Variants in RETN observed in about 807,000 individuals in gnomAD.
RETN encodes the protein resistin, also known as C/EBP-epsilon regulated myeloid-specific secreted cysteine-rich protein precursor 1.
RETN carries 5 observed loss-of-function variants against 6.1 expected under a neutral mutation model. The ratio of observed to expected loss-of-function variants is 0.82; its 90% CI spans 0.43 to 1.73. The LOEUF (loss-of-function observed/expected upper bound fraction) is 1.73, where lower values mean the gene tolerates loss of function less well. Among genes scored for constraint, RETN ranks in the 40% most tolerant of loss-of-function variants. The pLI, the probability that RETN is intolerant of heterozygous loss-of-function variation, is 0.02. For synonymous variants in RETN, 62 were observed against 59.2 expected, an observed-to-expected ratio of 1.05 and a Z score of -0.22; for missense variants, 168 against 142.5, an observed-to-expected ratio of 1.18 and a Z score of -0.91.
chr19:7,670,367 G>A lies in RETN; in HGVS notation c.*18G>A, dbSNP rs757490963. The A allele has an allele frequency of 7.1e-6, 11 of 1,538,858 alleles. No individual in the cohort carries two copies. The highest frequency in any genetic ancestry group is 1.4e-5 in the African/African-American group (1 of 73,254). On this transcript the variant is annotated 3_prime_UTR_variant, in exon 4 of 4. Transcript: ENST00000221515. The stretch of plus-strand genomic sequence containing the variant: ...AGCCCTGAGGTCGCGCGCAGCGCGT[G>A]CACAGCGCGGGCGGAGGCGGCTCCA...
In RETN at chr19:7,670,201, C is replaced by A. The variant is rs369679227; in HGVS notation, c.197-18C>A. The A allele has an allele frequency of 4.4e-6, 7 of 1,594,482 alleles. No individual in the cohort carries two copies. Among genetic ancestry groups the A allele is most frequent in the Non-Finnish European group, 6.0e-6 (7 of 1,176,210 alleles). Reference sequence around the variant, plus strand: ...GCCTCCCAGCTCAGAGTCCACGCTCCTGTGTTCCGGGCTGCAGGCTTCGCC... The same window carrying A: ...GCCTCCCAGCTCAGAGTCCACGCTCATGTGTTCCGGGCTGCAGGCTTCGCC... On this transcript the variant is annotated intron_variant, in intron 3 of 3. Coordinates refer to ENST00000221515, the MANE Select transcript of RETN (RefSeq NM_020415.4).
Position 7,669,861 on chromosome 19 carries a change from C to T in RETN, c.159C>T (p.Ser53=). The change falls in exon 3 of 4, where the codon AGC becomes AGT. Residue 53 remains serine, a synonymous_variant. Coordinates refer to ENST00000221515, the MANE Select transcript of RETN (RefSeq NM_020415.4). ...AISSIGLECQ[S]VTSRGDLATC... is the part of the protein sequence containing the mutation. Reference sequence around the variant, plus strand: ...GCAGCATTGGCCTGGAGTGCCAGAGCGTCACCTCCAGGGGGGACCTGGCTA... The same window carrying T: ...GCAGCATTGGCCTGGAGTGCCAGAGTGTCACCTCCAGGGGGGACCTGGCTA... 6.2e-7 allele frequency: 1 copy of T among 1,614,098 alleles called. No homozygotes were observed. The highest frequency in any genetic ancestry group is 2.2e-5 in the East Asian group (1 of 44,872).
chr19:7,669,512 C>A, intron 2 of RETN, 68 bp downstream of exon 2: 2 of 1,119,810 alleles, frequency 1.8e-6, no homozygotes, highest in South Asian at 1.2e-5. Flanking sequence ...TGGCACAGAC[C>A]TGACTCCAAC....
At position 7,670,337 on chromosome 19, in the gene RETN, T is replaced by C. The variant is rs766229984; in HGVS notation, c.315T>C (p.Arg105=). The stretch of plus-strand genomic sequence containing the variant: ...ACTGGACCGGAGCGCGCTGCTGTCG[T>C]GTGCAGCCCTGAGGTCGCGCGCAGC... ...GMDWTGARCC[R]VQP Residue 105 remains arginine (R), a synonymous_variant, in exon 4 of 4, where the codon CGT becomes CGC. Transcript: ENST00000221515. The C allele has an allele frequency of 2.6e-6, 4 of 1,555,852 alleles. No individual in the cohort carries two copies. The highest frequency in any genetic ancestry group is 3.5e-6 in the Non-Finnish European group (4 of 1,155,676).
chr19:7,669,204 C>G, intron 1 of RETN, 83 bp downstream of exon 1: 1 of 759,782 alleles, frequency 1.3e-6, no homozygotes, highest in Non-Finnish European at 2.3e-6. Context: ...CTGTCCCCCA[C>G]ATGGGGGGAC....
rs376681721 is a variant in RETN at position 7,669,452 on chromosome 19, C to T, written c.118+8C>T. ...AGGTCGCCGGCTCCCTAAGTGAGGA[C>T]CCCCCACTTGGGCAAGCTCCCCAAG... On this transcript the variant is annotated splice_region_variant and intron_variant, in intron 2 of 3. Coordinates refer to ENST00000221515, the MANE Select transcript of RETN (RefSeq NM_020415.4). 8 of 1,589,218 alleles carry T rather than the reference C, an allele frequency of 5.0e-6. No homozygotes were observed. The highest frequency in any genetic ancestry group is 2.7e-5 in the African/African-American group (2 of 74,466).
At position 7,670,436 on chromosome 19, in the gene RETN, G is replaced by A. The variant is rs1375686779; in HGVS notation, c.*87G>A. ...GGGAGCTGGAAATAAACCTGGAGAT[G>A]ATGATGATGATGATGATGATGATGA... On this transcript the variant is annotated 3_prime_UTR_variant, in exon 4 of 4. Transcript: ENST00000221515. 59 of 1,072 alleles carry A rather than the reference G, an allele frequency of 0.055. No individual in the cohort carries two copies. Among genetic ancestry groups the A allele is most frequent in the South Asian group, 0.11 (4 of 36 alleles). The allele number at this position is 1,072 out of a possible 1,614,324, so 0.1% of individuals were successfully genotyped here.
At position 7,670,204 on chromosome 19, in the gene RETN, T is replaced by A. The variant is rs1235661610; in HGVS notation, c.197-15T>A. The A allele has an allele frequency of 6.7e-7, 1 of 1,490,390 alleles. No individual in the cohort carries two copies. The highest frequency in any genetic ancestry group is 1.8e-5 in the Admixed American group (1 of 55,538). 92.3% of individuals were successfully genotyped at this position (1,490,390 alleles called of 1,614,324 possible). On this transcript the variant is annotated splice_polypyrimidine_tract_variant and intron_variant, in intron 3 of 3. Coordinates refer to ENST00000221515, the MANE Select transcript of RETN (RefSeq NM_020415.4). ...TCCCAGCTCAGAGTCCACGCTCCTG[T>A]GTTCCGGGCTGCAGGCTTCGCCGTC... is the stretch of plus-strand genomic sequence containing the variant.
At position 7,669,093 on chromosome 19, in the gene RETN, G is replaced by A. The variant is rs1489577170; in HGVS notation, c.-39G>A. The A allele has an allele frequency of 1.2e-5, 6 of 508,138 alleles. No homozygotes were observed. The highest frequency in any genetic ancestry group is 3.4e-5 in the East Asian group (1 of 29,616). 31.5% of individuals were successfully genotyped at this position (508,138 alleles called of 1,614,324 possible). On this transcript the variant is annotated 5_prime_UTR_variant, in exon 1 of 4. Coordinates refer to ENST00000221515, the MANE Select transcript of RETN (RefSeq NM_020415.4). ...GCTGCGGTGCAGGAATTCGTGTGCC[G>A]GATTTGGTTAGCTGAGCCCACCGAG...
intron 3 of RETN, 24 bp from the exon 4 acceptor site, chr19:7,670,195 A>C: frequency 6.4e-7 from 1 of 1,553,446 alleles, no homozygotes; most frequent in Non-Finnish European, 8.6e-7. Context: ...CTCAGAGTCC[A>C]CGCTCCTGTG....
At position 7,670,455 on chromosome 19, in the gene RETN, A is replaced by C; in HGVS notation, c.*106A>C. The C allele has an allele frequency of 1.0e-5, 3 of 295,678 alleles. No individual in the cohort carries two copies. Among genetic ancestry groups the C allele is most frequent in the Non-Finnish European group, 1.5e-5 (3 of 193,950 alleles). The allele number at this position is 295,678 out of a possible 1,614,324, so 18.3% of individuals were successfully genotyped here. On this transcript the variant is annotated 3_prime_UTR_variant, in exon 4 of 4. Transcript: ENST00000221515. The stretch of plus-strand genomic sequence containing the variant: ...GGAGATGATGATGATGATGATGATG[A>C]TGATGATGGAGCGGATCTGAGCCCT...
chr19:7,669,259 G>T, intron 1 of RETN, 58 bp from the exon 2 acceptor site: 1 of 1,249,078 alleles, frequency 8.0e-7, no homozygotes, highest in Non-Finnish European at 1.2e-6. Context: ...CCATGGGCCG[G>T]ATCTTCCCCA....
intron 1 of RETN, 54 bp downstream of exon 1, chr19:7,669,175 C>A (rs1259946716): frequency 1.8e-5 from 12 of 671,834 alleles, no homozygotes; most frequent in Admixed American, 4.8e-5. Flanking sequence ...AGGCTGGGGT[C>A]AAGGCTGAGC....
chr19:7,669,211 G>C, intron 1 of RETN, 90 bp downstream of exon 1: 1 of 792,368 alleles, frequency 1.3e-6, no homozygotes, highest in Admixed American at 2.0e-5. Context: ...CCACATGGGG[G>C]GACAGGGGTC....
exon 4 of RETN, chr19:7,670,432 A>AGATGAT (rs3833230): frequency 2.4e-5 from 28 of 1,143,008 alleles, no homozygotes; most frequent in Non-Finnish European, 3.2e-5. Context: ...ATAAACCTGG[A>AGATGAT]GATGATGATG....
chr19:7,669,817 C>T lies in RETN; in HGVS notation c.119-4C>T, dbSNP rs2032462982. 1 of 1,613,830 alleles carries T rather than the reference C, an allele frequency of 6.2e-7. No homozygotes were observed. Among genetic ancestry groups the T allele is most frequent in the Non-Finnish European group, 8.5e-7 (1 of 1,179,738 alleles). On this transcript the variant is annotated splice_polypyrimidine_tract_variant and splice_region_variant and intron_variant, in intron 2 of 3. Transcript: ENST00000221515. Reference sequence around the variant, plus strand: ...CCCCTGTCTCCTTTCCTCCTGCCCCCCAGTATTTAGGGCAATAAGCAGCAT... The same window carrying T: ...CCCCTGTCTCCTTTCCTCCTGCCCCTCAGTATTTAGGGCAATAAGCAGCAT...
intron 2 of RETN, 53 bp from the exon 3 acceptor site, chr19:7,669,768 A>G: frequency 6.6e-7 from 1 of 1,516,814 alleles, no homozygotes. Flanking sequence ...AGGATGGGGG[A>G]GGGACCGTTT....
At position 7,669,431 on chromosome 19, in the gene RETN, C is replaced by G. The variant is rs35139946; in HGVS notation, c.105C>G (p.Val35=). 6.2e-7 allele frequency: 1 copy of G among 1,613,316 alleles called. No individual in the cohort carries two copies. The highest frequency in any genetic ancestry group is 8.5e-7 in the Non-Finnish European group (1 of 1,179,468). Residue 35 remains valine (V), a synonymous_variant, in exon 2 of 4, where the codon GTC becomes GTG. Coordinates refer to ENST00000221515, the MANE Select transcript of RETN (RefSeq NM_020415.4). ...EEAINERIQE[V]AGSLIFRAIS... is the part of the protein sequence containing the mutation. ...CCATCAATGAGAGGATCCAGGAGGT[C>G]GCCGGCTCCCTAAGTGAGGACCCCC...
Position 7,669,737 on chromosome 19 carries a change from C to G in RETN, c.119-84C>G, listed in dbSNP as rs184781421. 4 of 1,303,464 alleles carry G rather than the reference C, an allele frequency of 3.1e-6. No individual in the cohort carries two copies. In the Admixed American group the frequency reaches 7.3e-5, roughly 24 times the overall value. The allele number at this position is 1,303,464 out of a possible 1,614,324, so 80.7% of individuals were successfully genotyped here. A position where few individuals can be genotyped will look rare whatever the true frequency, so the allele number is the denominator to read the frequency against. On this transcript the variant is annotated intron_variant, in intron 2 of 3. Coordinates refer to ENST00000221515, the MANE Select transcript of RETN (RefSeq NM_020415.4). ...CTCCTATGCCCACAGGGACCTAGCT[C>G]CAAACCAACAGGGCTAGGGGAGGAT...
Sources: gnomAD v4.1 joint callset for allele counts on GRCh38, gnomAD v4.1.1 for gene constraint, MANE v1.5 for transcripts, NCBI Gene and HGNC (gene_info 2026-07-23, HGNC 2026-07-21) for gene names.